The following ARK2N variants were observed in gnomAD, a reference collection of about 807,000 sequenced individuals.
ARK2N encodes the protein protein ARK2N.
At chr18:46,186,243 T>A in the ARK2N span, among the ~76,000 whole-genome samples, 4 of 151,872 alleles carry the variant, frequency 2.6e-5, no homozygotes, top group African/African-American at 9.7e-5. Context: ...GTCGCCAGGC[T>A]GGAGTGCAGT....
At chr18:46,257,342 A>G in the ARK2N span, among the ~76,000 whole-genome samples, 2 of 151,192 alleles carry the variant, frequency 1.3e-5, no homozygotes, top group African/African-American at 4.9e-5. Flanking sequence ...TTTGATAGTT[A>G]TTTTTCTTTT....
the ARK2N span, chr18:46,265,123 C>T: frequency 6.6e-6 from 1 of 152,616 alleles, no homozygotes; most frequent in South Asian, 2.1e-4. Context: ...TTTACTGTTA[C>T]ACATAGTTTT....
At chr18:46,192,784 G>T in the ARK2N span, among the ~76,000 whole-genome samples, 3 of 151,220 alleles carry the variant, frequency 2.0e-5, no homozygotes, top group Non-Finnish European at 4.4e-5. Flanking sequence ...TGGCCAGGCT[G>T]GTCTTGAACT....
the ARK2N span, among the ~76,000 whole-genome samples, chr18:46,228,191 A>C: frequency 4.3e-4 from 66 of 152,298 alleles, no homozygotes; most frequent in African/African-American, 1.5e-3. Context: ...CTTTACTTGA[A>C]GTTTAGGTGT....
chr18:46,216,071 G>T, the ARK2N span: 1 of 1,613,996 alleles, frequency 6.2e-7, no homozygotes, highest in Non-Finnish European at 8.5e-7. This position sits in a 1 kb window ranked among gnomAD's most constrained non-coding sequence, Gnocchi z 4.3. Context: ...GAACTGAGAA[G>T]GGACTCTTCT....
chr18:46,216,788 A>G, the ARK2N span: 1 of 553,502 alleles, frequency 1.8e-6, no homozygotes, highest in Non-Finnish European at 3.2e-6. The surrounding 1 kb of genome is among the most constrained non-coding windows in gnomAD (Gnocchi z 4.3). Flanking sequence ...ACTTTAGCAC[A>G]TCAGGAAAAA....
At chr18:46,209,797 T>C in the ARK2N span, among the ~76,000 whole-genome samples, 1 of 152,168 alleles carries the variant, frequency 6.6e-6, no homozygotes, top group South Asian at 2.1e-4. Context: ...GGTTTCACTA[T>C]GTTGGCCAGG....
At chr18:46,237,858 A>C in the ARK2N span, among the ~76,000 whole-genome samples, 76 of 152,334 alleles carry the variant, frequency 5.0e-4, no homozygotes, top group Middle Eastern at 3.4e-3. Context: ...CATTGTTTGA[A>C]TATATTGAAA....
At chr18:46,221,555 TAA>T in the ARK2N span, among the ~76,000 whole-genome samples, 4 of 133,162 alleles carry the variant, frequency 3.0e-5, no homozygotes, top group Admixed American at 7.7e-5. Context: ...AAGACTCCAT[TAA>T]AAAAAAAAAA....
At chr18:46,262,950 T>C in the ARK2N span, 5 of 1,614,096 alleles carry the variant, frequency 3.1e-6, no homozygotes, top group Non-Finnish European at 4.2e-6. Context: ...CTCGAGGTGG[T>C]GTGATTCAGA....
At chr18:46,224,367 G>A in the ARK2N span, among the ~76,000 whole-genome samples, 1 of 151,730 alleles carries the variant, frequency 6.6e-6, no homozygotes, top group East Asian at 1.9e-4. Context: ...TTTTCCATAA[G>A]AATTAAAAAA....
At chr18:46,253,885 C>T in the ARK2N span, 1 of 1,504,466 alleles carries the variant, frequency 6.6e-7, no homozygotes, top group Non-Finnish European at 9.0e-7. Context: ...AACCAGAAAA[C>T]AAGTTAAAAG....
At chr18:46,251,004 A>G in the ARK2N span, among the ~76,000 whole-genome samples, 3 of 152,152 alleles carry the variant, frequency 2.0e-5, no homozygotes, top group Non-Finnish European at 2.9e-5. Flanking sequence ...TTATCTCTGC[A>G]TATATCGCAG....
At chr18:46,190,298 T>C in the ARK2N span, among the ~76,000 whole-genome samples, 1,602 of 152,054 alleles carry the variant, frequency 0.011, 36 homozygotes, top group African/African-American at 0.036. Flanking sequence ...GGCGGGTGGA[T>C]CACATGAAGT....
the ARK2N span, among the ~76,000 whole-genome samples, chr18:46,242,214 A>G: frequency 1.3e-5 from 2 of 152,190 alleles, no homozygotes; most frequent in African/African-American, 4.8e-5. Flanking sequence ...TCTTGCCGTT[A>G]AATATAGACC....
chr18:46,203,136 T>C, the ARK2N span, among the ~76,000 whole-genome samples: 2 of 152,216 alleles, frequency 1.3e-5, no homozygotes, highest in African/African-American at 2.4e-5. Context: ...TATTAACTCC[T>C]GGGTATATAT....
At chr18:46,259,031 G>A in the ARK2N span, among the ~76,000 whole-genome samples, 1 of 151,666 alleles carries the variant, frequency 6.6e-6, no homozygotes, top group East Asian at 1.9e-4. Context: ...AAAAAAAAAT[G>A]TGTTAAAAGC....
chr18:46,191,105 A>C, the ARK2N span, among the ~76,000 whole-genome samples: 1 of 152,120 alleles, frequency 6.6e-6, no homozygotes, highest in South Asian at 2.1e-4. Context: ...ATTTTCAGCC[A>C]GGCTTTCCTC....
the ARK2N span, among the ~76,000 whole-genome samples, chr18:46,213,845 C>A: frequency 3.3e-5 from 5 of 152,010 alleles, no homozygotes; most frequent in East Asian, 9.7e-4. Flanking sequence ...TACAGGCGCT[C>A]GCCACCATGC....
Sources: gnomAD v4.1 joint callset for allele counts (sites outside exome capture counted in the v4.1 genomes callset) on GRCh38, gnomAD v4.1.1 for gene constraint, Gnocchi (gnomAD v3.1) non-coding constraint, MANE v1.5 for transcripts, NCBI Gene and HGNC (gene_info 2026-07-23, HGNC 2026-07-21) for gene names.